NCOR2: variants seen among roughly 807,000 people sequenced by gnomAD.
NCOR2 encodes CTG repeat protein 26.
Under a neutral mutation model 262.9 loss-of-function variants are expected in NCOR2, and 81 were observed. The ratio of observed to expected loss-of-function variants is 0.31; its 90% confidence interval spans 0.26 to 0.37. NCOR2 has a LOEUF of 0.37. Ranked by LOEUF, NCOR2 falls within the 10% of genes least tolerant of loss-of-function variation. The probability of loss-of-function intolerance (pLI) is 1.00; values close to 1 mark genes in which losing one functional copy is unlikely to be tolerated. For synonymous variants in NCOR2, 1,659 were observed against 1,559.3 expected (o/e 1.06, Z -1.51); for missense variants, 3,385 against 3,621.4 (o/e 0.93, Z 1.68).
intron 7 of NCOR2, among the ~76,000 whole-genome samples, chr12:124,448,178 T>A (rs1247398871): frequency 6.6e-6 from 1 of 152,180 alleles, no homozygotes; most frequent in Non-Finnish European, 1.5e-5. Flanking sequence ...CCAAACAGCC[T>A]GGACTCAGTT....
intron 7 of NCOR2, among the ~76,000 whole-genome samples, chr12:124,447,065 C>T (rs1039385625): frequency 1.3e-5 from 2 of 152,208 alleles, no homozygotes; most frequent in Non-Finnish European, 2.9e-5. Flanking sequence ...CAGGTACACG[C>T]CACCACAGCC....
chr12:124,402,905 C>A (rs1034499467), intron 13 of NCOR2, among the ~76,000 whole-genome samples: 1 of 152,146 alleles, frequency 6.6e-6, no homozygotes, highest in Non-Finnish European at 1.5e-5. Flanking sequence ...GACTCCTTCG[C>A]CTTGACAATG....
At chr12:124,387,551 C>T (rs1188934412) in intron 16 of NCOR2, among the ~76,000 whole-genome samples, 2 of 152,226 alleles carry the variant, frequency 1.3e-5, no homozygotes, top group Non-Finnish European at 2.9e-5. Flanking sequence ...CTCTGGCCCC[C>T]GTGGCGTGGG....
intron 8 of NCOR2, among the ~76,000 whole-genome samples, chr12:124,431,202 GCA>G (rs58198716): frequency 1.3e-4 from 18 of 133,450 alleles, no homozygotes; most frequent in Non-Finnish European, 1.4e-4. Flanking sequence ...GCACACACAG[GCA>G]CACACACATA....
intron 17 of NCOR2, among the ~76,000 whole-genome samples, chr12:124,384,047 G>T (rs897370336): frequency 1.3e-5 from 2 of 151,938 alleles, no homozygotes; most frequent in East Asian, 1.9e-4. Context: ...GGGGAGGCGG[G>T]GGGAGGAGAG....
At chr12:124,361,484 G>A (rs1312133278) in intron 22 of NCOR2, among the ~76,000 whole-genome samples, 1 of 152,270 alleles carries the variant, frequency 6.6e-6, no homozygotes, top group Non-Finnish European at 1.5e-5. Context: ...ACGCCCGCCT[G>A]TCTCCTGACC....
intron 19 of NCOR2, among the ~76,000 whole-genome samples, chr12:124,373,171 G>A (rs143245696): frequency 2.0e-5 from 3 of 152,376 alleles, no homozygotes; most frequent in East Asian, 3.9e-4. Context: ...CACCATCATC[G>A]TCACATGACA....
chr12:124,340,699 T>C (rs1178714041), exon 35 of NCOR2: 5 of 1,536,074 alleles, frequency 3.3e-6, no homozygotes, highest in Non-Finnish European at 8.7e-7. Flanking sequence ...GGGTGCCTGG[T>C]GTCGGGGGCA....
At chr12:124,355,193 C>G (rs1457908630) in intron 24 of NCOR2, 1 of 618,454 alleles carries the variant, frequency 1.6e-6, no homozygotes, top group Admixed American at 3.1e-5. Context: ...AAGTAACTTG[C>G]CTGAGGCCAC....
At chr12:124,460,981 C>T (rs1378829110) in intron 5 of NCOR2, among the ~76,000 whole-genome samples, 2 of 152,362 alleles carry the variant, frequency 1.3e-5, no homozygotes, top group Non-Finnish European at 2.9e-5. Flanking sequence ...TTGCAGGGGA[C>T]GCCAGGACAC....
chr12:124,444,235 G>C (rs1037482894), intron 7 of NCOR2, among the ~76,000 whole-genome samples: 3 of 152,198 alleles, frequency 2.0e-5, no homozygotes, highest in Non-Finnish European at 4.4e-5. Context: ...CAGTCTGTAG[G>C]AGGGCTCTGG....
intron 20 of NCOR2, among the ~76,000 whole-genome samples, chr12:124,371,727 G>A (rs1364748999): frequency 1.3e-5 from 2 of 152,146 alleles, no homozygotes; most frequent in Admixed American, 1.3e-4. Context: ...GGCGGCCCTA[G>A]GAAGCGAGCA....
intron 27 of NCOR2, among the ~76,000 whole-genome samples, chr12:124,352,286 A>G (rs1218908397): frequency 2.0e-5 from 3 of 152,190 alleles, no homozygotes; most frequent in Non-Finnish European, 4.4e-5. Context: ...CCATGTCAGA[A>G]CTGGGTTTGT....
At chr12:124,526,175 C>A (rs2050457755) in intron 1 of NCOR2, among the ~76,000 whole-genome samples, 2 of 152,268 alleles carry the variant, frequency 1.3e-5, no homozygotes, top group Admixed American at 1.3e-4. Context: ...ATTGCTCCAA[C>A]CCCCAGGAAC....
intron 8 of NCOR2, among the ~76,000 whole-genome samples, chr12:124,436,942 C>T (rs1052238584): frequency 1.3e-5 from 2 of 151,952 alleles, no homozygotes; most frequent in African/African-American, 4.8e-5. Context: ...AAAAATTAGC[C>T]GGGCTTGGTG....
exon 22 of NCOR2, chr12:124,362,240 G>A (rs372355351): frequency 1.5e-6 from 2 of 1,316,468 alleles, no homozygotes; most frequent in East Asian, 2.8e-5. Context: ...GGGGCTGGGG[G>A]AGCTGGCTTG....
rs759889293 is a variant in NCOR2, at chr12:124,344,741, G to A, written c.4570C>T (p.Arg1524Cys). Residue 1524 changes from arginine to cysteine, a missense_variant, in exon 32 of 47, where the codon CGC becomes TGC. This residue lies in a region of NCOR2 where 1,615 missense variants were observed against 1,626.9 expected (regional missense o/e 0.99). Transcript: ENST00000405201. ...TCAGGCACAATGACCGGGGCGCCGC[G>A]CGCAATGGAGCCCCCCGAGCTGCTG... 28 of 1,545,298 alleles carry A rather than the reference G, an allele frequency of 1.8e-5. No individual in the cohort carries two copies. The highest frequency in any genetic ancestry group is 2.4e-5 in the South Asian group (2 of 83,950).
At chr12:124,535,999 G>A (rs117880793), upstream of NCOR2, among the ~76,000 whole-genome samples, 3,007 of 152,298 alleles carry the variant, frequency 0.02, 48 homozygotes, top group Non-Finnish European at 0.028. Flanking sequence ...GAGATGGGTC[G>A]ACGGACACCT....
intron 7 of NCOR2, among the ~76,000 whole-genome samples, chr12:124,445,375 AG>A (rs2045083049): frequency 6.6e-6 from 1 of 152,174 alleles, no homozygotes; most frequent in Non-Finnish European, 1.5e-5. Context: ...CTCCTGCAGC[AG>A]GGGACACCAG....
Sources: gnomAD v4.1 joint callset for allele counts (sites outside exome capture counted in the v4.1 genomes callset) on GRCh38, gnomAD v4.1.1 for gene constraint, gnomAD v4.1.1 regional missense constraint, MANE v1.5 for transcripts, NCBI Gene and HGNC (gene_info 2026-07-23, HGNC 2026-07-21) for gene names.